Variants in PKHD1 observed in about 807,000 individuals in gnomAD.
PKHD1 encodes PKHD1 ciliary IPT domain containing fibrocystin/polyductin, also known as fibrocystin.
PKHD1 carries 291 observed loss-of-function variants against 412.0 expected under a neutral mutation model. That is an observed-to-expected ratio of 0.71 (90% CI 0.64 to 0.78). PKHD1 has a LOEUF of 0.78. Among genes scored for constraint, PKHD1 ranks in the 30% least tolerant of loss-of-function variants. The pLI is 0.00. For synonymous variants in PKHD1, 1,777 were observed against 1,821.5 expected, an observed-to-expected ratio of 0.98 and a Z score of 0.62; for missense variants, 4,825 against 4,950.7, an observed-to-expected ratio of 0.97 and a Z score of 0.76.
chr6:51,771,199 T>TACAC (rs113140015), intron 55 of PKHD1, among the ~76,000 whole-genome samples: 59 of 150,280 alleles, frequency 3.9e-4, no homozygotes, highest in African/African-American at 1.2e-3. Context: ...ACAGGTAGGA[T>TACAC]ACACACACAC....
At chr6:52,059,589 G>A (rs191416072) in intron 15 of PKHD1, among the ~76,000 whole-genome samples, 2 of 151,878 alleles carry the variant, frequency 1.3e-5, no homozygotes, top group East Asian at 3.9e-4. Context: ...ATGTGGAAAA[G>A]ATACATACAT....
chr6:51,631,535 C>A (rs1767916746), intron 65 of PKHD1, among the ~76,000 whole-genome samples: 2 of 152,120 alleles, frequency 1.3e-5, no homozygotes, highest in African/African-American at 4.8e-5. Flanking sequence ...TTTATTTTGA[C>A]TTTTTTCTCT....
intron 5 of PKHD1, among the ~76,000 whole-genome samples, chr6:52,079,090 T>C (rs1338864703): frequency 6.6e-6 from 1 of 152,184 alleles, no homozygotes; most frequent in East Asian, 1.9e-4. Flanking sequence ...AGGTACCCCA[T>C]GTGAAGGGCA....
rs3061680 is a variant in PKHD1, at chr6:51,692,261, TCACA to T, written c.10157-32296_10157-32293del. Among the ~76,000 whole-genome samples, 301 of 147,530 alleles carry T rather than the reference TCACA, an allele frequency of 2.0e-3. 1 individual carries two copies. Among genetic ancestry groups the T allele is most frequent in the African/African-American group, 6.5e-3 (261 of 40,194 alleles). On this transcript the variant is annotated intron_variant, in intron 60 of 66. Coordinates refer to ENST00000371117, the MANE Select transcript of PKHD1 (RefSeq NM_138694.4). The stretch of plus-strand genomic sequence containing the variant: ...AGAATTCTGTAGAAAATCACATAAT[TCACA>T]CACACACACACACACACACACACAC...
chr6:51,783,972 A>G (rs902396804), intron 53 of PKHD1, among the ~76,000 whole-genome samples: 1 of 152,218 alleles, frequency 6.6e-6, no homozygotes, highest in Non-Finnish European at 1.5e-5. Flanking sequence ...AGAAAAAGGC[A>G]GTGAGCTGAA....
At chr6:51,676,063 G>T (rs968962366) in intron 60 of PKHD1, among the ~76,000 whole-genome samples, 1 of 152,018 alleles carries the variant, frequency 6.6e-6, no homozygotes, top group Non-Finnish European at 1.5e-5. Context: ...GAGGAAGGAG[G>T]CAGGTGTGTA....
intron 37 of PKHD1, among the ~76,000 whole-genome samples, chr6:51,930,925 C>T (rs1786471759): frequency 6.6e-6 from 1 of 152,178 alleles, no homozygotes; most frequent in Non-Finnish European, 1.5e-5. Context: ...ACCACATGAT[C>T]TCCAAGGTTA....
At chr6:51,784,797 A>T (rs1295238215) in intron 53 of PKHD1, among the ~76,000 whole-genome samples, 1 of 152,108 alleles carries the variant, frequency 6.6e-6, no homozygotes, top group African/African-American at 2.4e-5. Context: ...GGACCTTTGC[A>T]CTAGCTCTCC....
chr6:52,049,555 A>T (rs1339507662), intron 22 of PKHD1, among the ~76,000 whole-genome samples: 1 of 152,180 alleles, frequency 6.6e-6, no homozygotes, highest in African/African-American at 2.4e-5. Flanking sequence ...TTAGGTGAAA[A>T]ATTAAAAGAA....
intron 31 of PKHD1, among the ~76,000 whole-genome samples, chr6:52,026,577 C>T (rs942491217): frequency 1.3e-5 from 2 of 152,068 alleles, no homozygotes; most frequent in Admixed American, 6.5e-5. Flanking sequence ...GTACATTGTC[C>T]TGTATACATT....
intron 60 of PKHD1, 90 bp downstream of exon 60, chr6:51,744,295 T>G: frequency 1.8e-6 from 2 of 1,118,940 alleles, no homozygotes; most frequent in South Asian, 2.5e-5. Context: ...TCTTCACCAG[T>G]ACATTTCATT....
intron 6 of PKHD1, 114 bp from the exon 7 acceptor site, chr6:52,073,655 C>T (rs1810962997): frequency 2.8e-6 from 2 of 713,502 alleles, no homozygotes; most frequent in Admixed American, 4.2e-5. Context: ...CAGGTCATGG[C>T]CCAGAAAATT....
At position 51,632,616 on chromosome 6, in the gene PKHD1, G is replaced by A. The variant is rs751008688; in HGVS notation, c.11614C>T (p.Leu3872=). 5 of 1,613,368 alleles carry A rather than the reference G, an allele frequency of 3.1e-6. No homozygotes were observed. The South Asian group carries it at 5.5e-5, about 18-fold the overall frequency. The change falls in exon 65 of 67, where the codon CTG becomes TTG. Residue 3872 remains leucine (L), a synonymous_variant. Coordinates refer to ENST00000371117, the MANE Select transcript of PKHD1 (RefSeq NM_138694.4). The stretch of plus-strand genomic sequence containing the variant: ...CAGCACACCAGACAGCTCAGAGCCA[G>A]CCATGAGGCCACAGAGGACAGGGAA... ...AASLSSVASW[L]ALSCLVCCWL... is the part of the protein sequence containing the mutation.
Position 51,833,384 on chromosome 6 carries a change from C to T in PKHD1, c.8174-2395G>A, listed in dbSNP as rs1039870303. On this transcript the variant is annotated intron_variant, in intron 51 of 66. Transcript: ENST00000371117. ...AATTTAATTATTCTATACCATCCTG[C>T]TTAAGATAAGAACACTAAGGGATAA... Among the ~76,000 whole-genome samples the T allele has an allele frequency of 3.3e-5, 5 of 152,134 alleles. No individual in the cohort carries two copies. In the East Asian group the frequency reaches 9.6e-4, roughly 29 times the overall value.
intron 55 of PKHD1, 141 bp downstream of exon 55, chr6:51,772,561 A>T: frequency 1.8e-6 from 1 of 543,838 alleles, no homozygotes; most frequent in Non-Finnish European, 3.3e-6. Context: ...TAAATTCCCT[A>T]TAATCGCTTA....
rs369640841 is a variant in PKHD1, at chr6:52,084,945, A to G, written c.-12T>C. 6.4e-7 allele frequency: 1 copy of G among 1,569,616 alleles called. No individual in the cohort carries two copies. The highest frequency in any genetic ancestry group is 8.8e-7 in the Non-Finnish European group (1 of 1,139,596). Reference sequence around the variant, plus strand: ...AGCCAGGCAGTCATTCTGTCCACTTAAATCAATACTCTTAAGATTGCTCAG... The same window carrying G: ...AGCCAGGCAGTCATTCTGTCCACTTGAATCAATACTCTTAAGATTGCTCAG... On this transcript the variant is annotated 5_prime_UTR_variant, in exon 2 of 67. Transcript: ENST00000371117.
intron 60 of PKHD1, among the ~76,000 whole-genome samples, chr6:51,742,016 A>T (rs1381911238): frequency 6.6e-6 from 1 of 152,224 alleles, no homozygotes; most frequent in Non-Finnish European, 1.5e-5. Flanking sequence ...AAATACCTGT[A>T]ATGGTGGAAT....
intron 53 of PKHD1, among the ~76,000 whole-genome samples, chr6:51,779,380 C>T (rs1052732130): frequency 6.6e-6 from 1 of 152,022 alleles, no homozygotes; most frequent in Non-Finnish European, 1.5e-5. Flanking sequence ...TCTGGAAATG[C>T]CCTTGTCAAC....
intron 31 of PKHD1, among the ~76,000 whole-genome samples, chr6:52,027,566 G>GAGA (rs1275603129): frequency 7.3e-6 from 1 of 137,202 alleles, no homozygotes; most frequent in Non-Finnish European, 1.6e-5. Flanking sequence ...GAAGAAGAAG[G>GAGA]AGAAGAAGAA....
Sources: allele counts gnomAD v4.1 joint callset (sites outside exome capture counted in the v4.1 genomes callset), GRCh38; gene constraint gnomAD v4.1.1; transcripts MANE v1.5; gene names NCBI Gene and HGNC (gene_info 2026-07-23, HGNC 2026-07-21).